Variants in DUOX2 observed in about 807,000 individuals in gnomAD.
DUOX2 encodes the protein dual oxidase 2.
DUOX2 carries 185 observed loss-of-function variants against 183.3 expected under a neutral mutation model. The observed-to-expected ratio is 1.01, with a 90% CI of 0.90 to 1.14. The LOEUF is 1.14. Ranked by LOEUF, DUOX2 falls within the 50% of genes most tolerant of loss-of-function variation. DUOX2 has a pLI of 0.00. For synonymous variants in DUOX2, 788 were observed against 812.4 expected, an observed-to-expected ratio of 0.97 and a Z score of 0.51; for missense variants, 1,999 against 2,022.9, an observed-to-expected ratio of 0.99 and a Z score of 0.23.
At position 45,113,093 on chromosome 15, in the gene DUOX2, G is replaced by A. The variant is rs1227703918; in HGVS notation, c.71-17C>T. ...CCTGACTGCCTGTGGGCACAGAGAA[G>A]GGCCTCCTCAGCACTACGCTCCCAG... On this transcript the variant is annotated splice_polypyrimidine_tract_variant and intron_variant, in intron 2 of 33. Transcript: ENST00000389039. 1 of 1,611,804 alleles carries A rather than the reference G, an allele frequency of 6.2e-7. No homozygotes were observed. The highest frequency in any genetic ancestry group is 8.5e-7 in the Non-Finnish European group (1 of 1,178,804).
Position 45,109,601 on chromosome 15 carries a change from T to G in DUOX2, c.1157A>C (p.Glu386Ala). The change falls in exon 11 of 34, where the codon GAG becomes GCG. Residue 386 changes from glutamate (E) to alanine (A), a missense_variant. By Grantham distance (107) the Glu-to-Ala change is moderately radical. Transcript: ENST00000389039. ...RENPNLNSTQ[E>A]VNELLLGMAS... ...CATTCCCAGCAGCAGCTCATTCACC[T>G]CCTGGGTACTGTTCAGATTGGGGTT... 2 of 1,614,080 alleles carry G rather than the reference T, an allele frequency of 1.2e-6. No homozygotes were observed. Among genetic ancestry groups the G allele is most frequent in the Non-Finnish European group, 1.7e-6 (2 of 1,180,020 alleles).
rs113798736 is a variant in DUOX2, at chr15:45,099,261, C to T, written c.3515+122G>A. On this transcript the variant is annotated intron_variant, in intron 26 of 33. Coordinates refer to ENST00000389039, the MANE Select transcript of DUOX2 (RefSeq NM_001363711.2). ...TCCTGACCTCGTGATCCGCCCACCT[C>T]GGCCTCCCAAAGTGCTGGGATTACA... is the stretch of plus-strand genomic sequence containing the variant. 2.1e-5 allele frequency: 16 copies of T among 778,796 alleles called. 1 individual carries two copies. The highest frequency in any genetic ancestry group is 1.0e-4 in the South Asian group (7 of 68,542). The allele number at this position is 778,796 out of a possible 1,614,324, so 48.2% of individuals were successfully genotyped here. A position where few individuals can be genotyped will look rare whatever the true frequency, so the allele number is the denominator to read the frequency against.
Position 45,101,186 on chromosome 15 carries a change from G to A in DUOX2, c.2921+19C>T. On this transcript the variant is annotated intron_variant, in intron 22 of 33. Transcript: ENST00000389039. ...GGGGCTCAGCCAGGCCAACCTGCCA[G>A]AGCCCCATTCCTGCTCACCGCTCCC... 2.5e-6 allele frequency: 4 copies of A among 1,612,168 alleles called. No individual in the cohort carries two copies. The highest frequency in any genetic ancestry group is 3.4e-6 in the Non-Finnish European group (4 of 1,178,878).
chr15:45,106,485 C>T, intron 16 of DUOX2, 43 bp downstream of exon 16: 1 of 1,606,084 alleles, frequency 6.2e-7, no homozygotes, highest in Admixed American at 1.7e-5. Flanking sequence ...CTGTCTCTCC[C>T]CTCCTCCGTC....
chr15:45,108,994 C>T (rs1894307459), intron 11 of DUOX2, 42 bp from the exon 12 acceptor site: 2 of 1,612,424 alleles, frequency 1.2e-6, no homozygotes, highest in South Asian at 2.2e-5. Flanking sequence ...TTGTCCTCTC[C>T]ATCCTTTTTT....
At chr15:45,101,306 T>C in intron 21 of DUOX2, 32 bp from the exon 22 acceptor site, 2 of 1,593,506 alleles carry the variant, frequency 1.3e-6, no homozygotes, top group Non-Finnish European at 8.6e-7. Context: ...AGGACTGGCT[T>C]CCCCACAAGG....
rs376709750 is a variant in DUOX2 at position 45,113,319 on chromosome 15, C to T, written c.70+23G>A. On this transcript the variant is annotated intron_variant, in intron 2 of 33. Coordinates refer to ENST00000389039, the MANE Select transcript of DUOX2 (RefSeq NM_001363711.2). The stretch of plus-strand genomic sequence containing the variant: ...CCAGGGATCCTGGGGAACACCCCGC[C>T]GCTAGAGGAGCCTGATACTTGCCCG... 1.9e-6 allele frequency: 3 copies of T among 1,554,326 alleles called. No individual in the cohort carries two copies. The highest frequency in any genetic ancestry group is 1.7e-6 in the Non-Finnish European group (2 of 1,148,372).
Position 45,094,546 on chromosome 15 carries a change from G to A in DUOX2, c.4524+17C>T, listed in dbSNP as rs1195189650. Reference sequence around the variant, plus strand: ...GGAGAAGGCCAGAGTCCCAGGGTGGGAGGGAGTGGGACTGACCTGTGGGTG... The same window carrying A: ...GGAGAAGGCCAGAGTCCCAGGGTGGAAGGGAGTGGGACTGACCTGTGGGTG... On this transcript the variant is annotated intron_variant, in intron 33 of 33. Coordinates refer to ENST00000389039, the MANE Select transcript of DUOX2 (RefSeq NM_001363711.2). 1 of 1,609,618 alleles carries A rather than the reference G, an allele frequency of 6.2e-7. No individual in the cohort carries two copies. Among genetic ancestry groups the A allele is most frequent in the South Asian group, 1.1e-5 (1 of 90,180 alleles).
Position 45,104,062 on chromosome 15 carries a change from A to C in DUOX2, c.2561-9T>G, listed in dbSNP as rs751564949. ...CTTATCCTCTGGGGAGCCTGGGAAG[A>C]AAAAAGGGAATGCAGGTCATCTCCT... On this transcript the variant is annotated splice_polypyrimidine_tract_variant and intron_variant, in intron 19 of 33. Transcript: ENST00000389039. 4 of 1,614,128 alleles carry C rather than the reference A, an allele frequency of 2.5e-6. No homozygotes were observed. Among genetic ancestry groups the C allele is most frequent in the African/African-American group, 1.3e-5 (1 of 75,028 alleles).
At chr15:45,111,688 C>T in intron 5 of DUOX2, 80 bp downstream of exon 5, 1 of 1,449,218 alleles carries the variant, frequency 6.9e-7, no homozygotes, top group East Asian at 2.6e-5. Context: ...GCGCCTCTCC[C>T]CTCCAGGCCC....
At position 45,106,987 on chromosome 15, in the gene DUOX2, G is replaced by A; in HGVS notation, c.1694-18C>T. 6.4e-7 allele frequency: 1 copy of A among 1,567,864 alleles called. No individual in the cohort carries two copies. Among genetic ancestry groups the A allele is most frequent in the Admixed American group, 1.9e-5 (1 of 51,692 alleles). On this transcript the variant is annotated intron_variant, in intron 14 of 33. Transcript: ENST00000389039. ...GGGTGCACCTGAGGGAGAGGGCAGG[G>A]AAGACCTCAAAGTCTGAGGATCCCG... is the stretch of plus-strand genomic sequence containing the variant.
chr15:45,099,937 G>T (rs1176677571), intron 24 of DUOX2, 45 bp from the exon 25 acceptor site: 2 of 1,612,300 alleles, frequency 1.2e-6, no homozygotes, highest in Non-Finnish European at 1.7e-6. Flanking sequence ...AGGTGGCCAA[G>T]GTCCCGAGCC....
In DUOX2 at chr15:45,106,194, G is replaced by A. The variant is rs896766486; in HGVS notation, c.2079C>T (p.Val693=). Residue 693 remains valine, a synonymous_variant, in exon 17 of 34, where the codon GTC becomes GTT. Coordinates refer to ENST00000389039, the MANE Select transcript of DUOX2 (RefSeq NM_001363711.2). ...CTCGGTTGTTGGACAGGATGAGGTT[G>A]ACCTGCTGCAGAGGCTGCAGCTGGA... is the stretch of plus-strand genomic sequence containing the variant. ...RVVQLQPLQQ[V]NLILSNNRGC... 5 of 1,614,206 alleles carry A rather than the reference G, an allele frequency of 3.1e-6. No individual in the cohort carries two copies. Among genetic ancestry groups the A allele is most frequent in the African/African-American group, 1.3e-5 (1 of 75,056 alleles).
chr15:45,110,085 G>A (rs2141155798), intron 9 of DUOX2, 105 bp from the exon 10 acceptor site: 2 of 1,047,524 alleles, frequency 1.9e-6, no homozygotes, highest in African/African-American at 3.1e-5. Context: ...ATTGAGCAGT[G>A]GCCCAGGAAC....
intron 20 of DUOX2, 80 bp from the exon 21 acceptor site, chr15:45,102,069 G>A: frequency 1.3e-6 from 2 of 1,533,530 alleles, no homozygotes; most frequent in Non-Finnish European, 1.8e-6. Context: ...GCAGGCCCCA[G>A]ATTATCTAAT....
At position 45,101,593 on chromosome 15, in the gene DUOX2, C is replaced by T. The variant is rs995070194; in HGVS notation, c.2851+200G>A. The T allele has an allele frequency of 5.9e-6, 4 of 677,474 alleles. No homozygotes were observed. In the African/African-American group the frequency reaches 7.2e-5, roughly 12 times the overall value. 42.0% of individuals were successfully genotyped at this position (677,474 alleles called of 1,614,324 possible). ...AGCAGTGTGTAGGATAGATTTCAACCTGCTCCTTGACCTCAGTGGGTATCA... is the reference window on the plus strand; with the variant it reads ...AGCAGTGTGTAGGATAGATTTCAACTTGCTCCTTGACCTCAGTGGGTATCA... On this transcript the variant is annotated intron_variant, in intron 21 of 33. Coordinates refer to ENST00000389039, the MANE Select transcript of DUOX2 (RefSeq NM_001363711.2).
rs1463620931 is a variant in DUOX2, at chr15:45,106,988, A to C, written c.1694-19T>G. ...GGTGCACCTGAGGGAGAGGGCAGGG[A>C]AGACCTCAAAGTCTGAGGATCCCGC... On this transcript the variant is annotated intron_variant, in intron 14 of 33. Coordinates refer to ENST00000389039, the MANE Select transcript of DUOX2 (RefSeq NM_001363711.2). The C allele has an allele frequency of 1.9e-6, 3 of 1,566,920 alleles. No homozygotes were observed. The Admixed American group carries it at 5.8e-5, about 30-fold the overall frequency.
At chr15:45,109,116 A>G (rs182097901) in intron 11 of DUOX2, 164 bp from the exon 12 acceptor site, 222 of 881,178 alleles carry the variant, frequency 2.5e-4, no homozygotes, top group African/African-American at 5.1e-4. Context: ...TGCAAGGCCA[A>G]TGTCACCATG....
At position 45,110,680 on chromosome 15, in the gene DUOX2, A is replaced by C; in HGVS notation, c.913T>G (p.Phe305Val). ...NIAVYEWLPS[F>V]LQKTLPEYTG... ...TACTCCGGGAGTGTTTTCTGCAGGA[A>C]GCTGGGCAGCCACTCATACACAGCG... is the stretch of plus-strand genomic sequence containing the variant. The change falls in exon 8 of 34, where the codon TTC becomes GTC. Residue 305 changes from phenylalanine (F) to valine (V), a missense_variant. Coordinates refer to ENST00000389039, the MANE Select transcript of DUOX2 (RefSeq NM_001363711.2). 6 of 1,612,506 alleles carry C rather than the reference A, an allele frequency of 3.7e-6. No homozygotes were observed. Among genetic ancestry groups the C allele is most frequent in the Non-Finnish European group, 5.1e-6 (6 of 1,179,936 alleles).
Sources: allele counts gnomAD v4.1 joint callset, GRCh38; gene constraint gnomAD v4.1.1; transcripts MANE v1.5; gene names NCBI Gene and HGNC (gene_info 2026-07-23, HGNC 2026-07-21).